Variants in HAUS8 observed in about 807,000 individuals in gnomAD.
The protein encoded by HAUS8 is HAUS augmin-like complex subunit 8.
A neutral mutation model predicts 42.9 loss-of-function variants in HAUS8; 38 were observed. That is an observed-to-expected ratio of 0.89 (90% CI 0.68 to 1.16). The LOEUF is 1.16. HAUS8 is among the 50% of genes most tolerant of loss of function. The pLI is 0.00. For missense variants in HAUS8, 494 were observed against 511.6 expected (o/e 0.97, Z 0.33); for synonymous variants, 199 against 205.8 (o/e 0.97, Z 0.28).
chr19:17,055,948 T>G lies in HAUS8; in HGVS notation c.700A>C (p.Arg234=). The G allele has an allele frequency of 1.9e-6, 3 of 1,614,180 alleles. No individual in the cohort carries two copies. Among genetic ancestry groups the G allele is most frequent in the Non-Finnish European group, 2.5e-6 (3 of 1,179,992 alleles). The stretch of plus-strand genomic sequence containing the variant: ...GTGTCCAGGGCCGTGGCGAATGTCC[T>G]GTATTGCTCCTTGAAGCGTGTGGCC... ...AVATRFKEQY[R]TFATALDTTR... Residue 234 remains arginine (R), a synonymous_variant, in exon 9 of 11, where the codon AGG becomes CGG. Coordinates refer to ENST00000253669, the MANE Select transcript of HAUS8 (RefSeq NM_033417.2).
At chr19:17,071,912 G>A (rs758190941) in intron 2 of HAUS8, among the ~76,000 whole-genome samples, 5 of 152,102 alleles carry the variant, frequency 3.3e-5, no homozygotes, top group Admixed American at 1.3e-4. Context: ...CTTGAACCTG[G>A]GAGGCGGGAG....
intron 1 of HAUS8, chr19:17,073,638 T>C: frequency 2.5e-6 from 1 of 407,592 alleles, no homozygotes; most frequent in South Asian, 2.5e-5. Flanking sequence ...CACCAGACAT[T>C]GATGCACCTA....
chr19:17,068,249 G>C (rs568303048), intron 3 of HAUS8, among the ~76,000 whole-genome samples: 1 of 151,952 alleles, frequency 6.6e-6, no homozygotes, highest in African/African-American at 2.4e-5. Context: ...GAGTAGCTGG[G>C]ATTACAGGTG....
chr19:17,050,282 C>T, intron 10 of HAUS8, 106 bp from the exon 11 acceptor site: 2 of 829,008 alleles, frequency 2.4e-6, no homozygotes, highest in Non-Finnish European at 1.7e-6. Flanking sequence ...TTCACATGCC[C>T]TACGTGCTCA....
chr19:17,066,089 G>A (rs1408852279), intron 3 of HAUS8, among the ~76,000 whole-genome samples: 1 of 151,908 alleles, frequency 6.6e-6, no homozygotes, highest in Non-Finnish European at 1.5e-5. Flanking sequence ...CCGAGTAGCT[G>A]GGACTATAAG....
chr19:17,068,022 T>C (rs2057397155), intron 3 of HAUS8, among the ~76,000 whole-genome samples: 1 of 152,154 alleles, frequency 6.6e-6, no homozygotes, highest in South Asian at 2.1e-4. Flanking sequence ...CACTAAACTC[T>C]TACTCCAATT....
chr19:17,060,510 G>C (rs1327100854), intron 4 of HAUS8, among the ~76,000 whole-genome samples: 2 of 152,224 alleles, frequency 1.3e-5, no homozygotes, highest in East Asian at 3.9e-4. Flanking sequence ...CCGGGTTCAA[G>C]TGATTCTCCT....
chr19:17,051,020 A>C (rs2057284309), intron 10 of HAUS8, among the ~76,000 whole-genome samples: 1 of 152,148 alleles, frequency 6.6e-6, no homozygotes, highest in Non-Finnish European at 1.5e-5. Context: ...AGATCGCGCC[A>C]CTGCACTCCA....
intron 1 of HAUS8, 190 bp downstream of exon 1, chr19:17,075,204 G>A: frequency 1.6e-6 from 1 of 632,628 alleles, no homozygotes; most frequent in East Asian, 2.8e-5. Context: ...GGAACTCAGG[G>A]CCGGTCGGGT....
intron 10 of HAUS8, 60 bp downstream of exon 10, chr19:17,052,765 C>A (rs200526104): frequency 1.3e-6 from 2 of 1,593,270 alleles, no homozygotes; most frequent in South Asian, 1.1e-5. Context: ...AACAGTGCAG[C>A]CACCAACAGC....
At chr19:17,067,201 T>TGA (rs2057391985) in intron 3 of HAUS8, among the ~76,000 whole-genome samples, 1 of 76,318 alleles carries the variant, frequency 1.3e-5, no homozygotes, top group African/African-American at 6.2e-5. Flanking sequence ...CGAGACTCCA[T>TGA]CTCAAAAAAA....
chr19:17,068,760 C>T (rs887789273), intron 3 of HAUS8, among the ~76,000 whole-genome samples: 2 of 151,678 alleles, frequency 1.3e-5, no homozygotes, highest in Admixed American at 6.6e-5. Flanking sequence ...AGAGACCTTG[C>T]CTCAAAAACA....
intron 1 of HAUS8, chr19:17,074,897 G>C (rs1408160021): frequency 6.2e-6 from 1 of 160,720 alleles, no homozygotes; most frequent in Admixed American, 6.1e-5. Flanking sequence ...CCCTAGGCAA[G>C]TCACTTCCCC....
intron 10 of HAUS8, 126 bp downstream of exon 10, chr19:17,052,699 G>T: frequency 1.1e-6 from 1 of 927,054 alleles, no homozygotes. Flanking sequence ...GAAAAGAGCA[G>T]CTCGCTCAGG....
chr19:17,054,155 G>A (rs1303152987), intron 9 of HAUS8, among the ~76,000 whole-genome samples: 1 of 152,060 alleles, frequency 6.6e-6, no homozygotes, highest in Non-Finnish European at 1.5e-5. Flanking sequence ...CTTGATTTCA[G>A]ACTTCTGGCT....
At position 17,052,869 on chromosome 19, in the gene HAUS8, G is replaced by A. The variant is rs375256644; in HGVS notation, c.885C>T (p.Ser295=). 3.1e-5 allele frequency: 50 copies of A among 1,614,006 alleles called. No homozygotes were observed. In the African/African-American group the frequency reaches 4.0e-4, roughly 13 times the overall value. Residue 295 remains serine, a synonymous_variant, in exon 10 of 11, where the codon AGC becomes AGT. Transcript: ENST00000253669. The stretch of plus-strand genomic sequence containing the variant: ...TTTTCGCCGTCACGTCCTTGAGTTC[G>A]CTCAGTAAGTCCAGCACCTGCACAT... ...EENVQVLDLL[S]ELKDVTAKKD...
At chr19:17,050,324 GA>G in intron 10 of HAUS8, 148 bp from the exon 11 acceptor site, 1 of 473,218 alleles carries the variant, frequency 2.1e-6, no homozygotes, top group Non-Finnish European at 3.5e-6. Context: ...AGATCCGTCT[GA>G]AAAGACTCAA....
chr19:17,050,389 G>GAT (rs895714231), intron 10 of HAUS8, among the ~76,000 whole-genome samples: 1 of 152,166 alleles, frequency 6.6e-6, no homozygotes, highest in Non-Finnish European at 1.5e-5. Flanking sequence ...ATTCATCCAA[G>GAT]AAATGTTCAT....
rs1416007221 is a variant in HAUS8, at chr19:17,058,606, C to A, written c.588G>T (p.Lys196Asn). The A allele has an allele frequency of 1.2e-6, 2 of 1,613,516 alleles. No individual in the cohort carries two copies. The highest frequency in any genetic ancestry group is 2.7e-5 in the African/African-American group (2 of 74,872). ...TCCTCTGAGAGAGGAGAAGCCTGCG[C>A]TTCAGCTCGTGGGCCTTTTTCTGTA... ...EKLQKKAHELKRRLLLSQRKR... is the reference protein window; with the variant it reads ...EKLQKKAHELNRRLLLSQRKR... The change falls in exon 8 of 11, where the codon AAG (lysine) becomes AAT (asparagine). Residue 196 changes from lysine (K) to asparagine (N), a missense_variant. Transcript: ENST00000253669.
Sources: allele counts gnomAD v4.1 joint callset (sites outside exome capture counted in the v4.1 genomes callset), GRCh38; gene constraint gnomAD v4.1.1; transcripts MANE v1.5; gene names NCBI Gene and HGNC (gene_info 2026-07-23, HGNC 2026-07-21).